The following MAPK10 variants were observed in gnomAD, a reference collection of about 807,000 sequenced individuals.
MAPK10 encodes JNK3 alpha protein kinase.
MAPK10 carries 25 observed loss-of-function variants against 59.3 expected under a neutral mutation model. The ratio of observed to expected loss-of-function variants is 0.42; its 90% CI spans 0.31 to 0.59. The LOEUF (loss-of-function observed/expected upper bound fraction) is 0.59, where lower values mean the gene tolerates loss of function less well. Ranked by LOEUF, MAPK10 falls within the 20% of genes least tolerant of loss-of-function variation. The pLI is 0.15. For synonymous variants in MAPK10, 190 were observed against 200.5 expected (o/e 0.95, Z 0.44); for missense variants, 351 against 568.9 (o/e 0.62, Z 3.90).
intron 2 of MAPK10, among the ~76,000 whole-genome samples, chr4:86,228,620 A>C (rs2091052552): frequency 1.3e-5 from 2 of 152,218 alleles, no homozygotes; most frequent in Non-Finnish European, 2.9e-5. Flanking sequence ...TGTAAGCATA[A>C]TTCTATCACC....
At chr4:86,098,755 T>G in intron 8 of MAPK10, 160 bp from the exon 9 acceptor site, 2 of 606,110 alleles carry the variant, frequency 3.3e-6, no homozygotes, top group Non-Finnish European at 3.0e-6. Context: ...ACCAGCGCTA[T>G]GCTATTACAT....
chr4:86,227,566 C>A (rs1583189031), intron 2 of MAPK10, among the ~76,000 whole-genome samples: 4 of 151,670 alleles, frequency 2.6e-5, no homozygotes, highest in Admixed American at 2.6e-4. Flanking sequence ...TCTAAGAATA[C>A]TTTCTCACCT....
chr4:86,122,119 TA>T (rs960459455), intron 4 of MAPK10, among the ~76,000 whole-genome samples: 4 of 151,832 alleles, frequency 2.6e-5, no homozygotes, highest in African/African-American at 7.3e-5. Flanking sequence ...GATTAGAAAA[TA>T]AAAAAAGTCA....
chr4:86,067,436 G>A (rs2046972467), intron 10 of MAPK10, among the ~76,000 whole-genome samples: 2 of 151,908 alleles, frequency 1.3e-5, no homozygotes, highest in Admixed American at 1.3e-4. Flanking sequence ...TTGAGCCACC[G>A]CCCCCGGCCC....
At chr4:86,050,264 G>A (rs1183617261) in intron 11 of MAPK10, among the ~76,000 whole-genome samples, 1 of 152,106 alleles carries the variant, frequency 6.6e-6, no homozygotes, top group East Asian at 1.9e-4. Flanking sequence ...TATGGTTATA[G>A]TATCTTACTT....
chr4:86,176,874 CTTTG>C (rs202010373), intron 3 of MAPK10, among the ~76,000 whole-genome samples: 1,732 of 151,968 alleles, frequency 0.011, 30 homozygotes, highest in African/African-American at 0.04. Flanking sequence ...TTTACCTTAT[CTTTG>C]TTTAATAATT....
chr4:86,557,956 G>A (rs550257757), intron 1 of MAPK10, among the ~76,000 whole-genome samples: 1 of 151,940 alleles, frequency 6.6e-6, no homozygotes, highest in South Asian at 2.1e-4. Context: ...TGAATCATTG[G>A]TATATTGATG....
intron 4 of MAPK10, 79 bp from the exon 5 acceptor site, chr4:86,107,431 G>A (rs1580368007): frequency 6.5e-7 from 1 of 1,527,288 alleles, no homozygotes; most frequent in East Asian, 2.4e-5. Context: ...AAGGATACTG[G>A]TAAAGAAAAT....
intron 9 of MAPK10, among the ~76,000 whole-genome samples, chr4:86,082,894 T>C (rs181901741): frequency 3.5e-3 from 534 of 152,272 alleles, no homozygotes; most frequent in Non-Finnish European, 6.2e-3. Context: ...TGCACTTTCA[T>C]TGGCAGTGCT....
chr4:86,522,372 G>A (rs1757173053), intron 1 of MAPK10, among the ~76,000 whole-genome samples: 1 of 152,150 alleles, frequency 6.6e-6, no homozygotes, highest in South Asian at 2.1e-4. Flanking sequence ...ATGAAACGAG[G>A]TTGGAGCTAG....
chr4:86,177,440 G>GTATAAAAT (rs910793969), intron 3 of MAPK10, among the ~76,000 whole-genome samples: 1 of 152,012 alleles, frequency 6.6e-6, no homozygotes, highest in African/African-American at 2.4e-5. Flanking sequence ...ATCCAATGAA[G>GTATAAAAT]TATAAAATTT....
In MAPK10 at chr4:86,012,763, T is replaced by C. The variant is rs1257709705; in HGVS notation, c.*4465A>G. On this transcript the variant is annotated 3_prime_UTR_variant, in exon 14 of 14. Coordinates refer to ENST00000641462, the MANE Select transcript of MAPK10 (RefSeq NM_138982.4). ...TAGACTGACTGAATTTAGTTCTCAC[T>C]GCTCAGACCTTGCAAAGAAACTGGA... 1 of 152,240 alleles carries C rather than the reference T, an allele frequency of 6.6e-6. No individual in the cohort carries two copies. The highest frequency in any genetic ancestry group is 1.5e-5 in the Non-Finnish European group (1 of 68,040). The allele number at this position is 152,240 out of a possible 1,614,324, so 9.4% of individuals were successfully genotyped here. A position where few individuals can be genotyped will look rare whatever the true frequency, so the allele number is the denominator to read the frequency against.
rs113130106 is a variant in MAPK10, at chr4:86,196,027, A to C, written c.-6-1620T>G. 1.6e-4 allele frequency among the ~76,000 whole-genome samples: 25 copies of C among 152,346 alleles called. No individual in the cohort carries two copies. In the East Asian group the frequency reaches 4.6e-3, roughly 28 times the overall value. On this transcript the variant is annotated intron_variant, in intron 2 of 13. Transcript: ENST00000641462. ...TATTGTGAACAGTGCTGCAATAAAC[A>C]TAAGTGTGCATATGTCTTTATAGAA... is the stretch of plus-strand genomic sequence containing the variant.
chr4:86,452,962 GC>G (rs1750904300), intron 1 of MAPK10: 1 of 152,404 alleles, frequency 6.6e-6, no homozygotes. Flanking sequence ...GAGGTCGTCT[GC>G]CCCCAAACAC....
At chr4:86,424,930 G>A (rs576511642) in intron 1 of MAPK10, among the ~76,000 whole-genome samples, 100 of 152,302 alleles carry the variant, frequency 6.6e-4, no homozygotes, top group African/African-American at 1.6e-3. Context: ...AAATCTCAGA[G>A]GAAAATGTCA....
intron 11 of MAPK10, among the ~76,000 whole-genome samples, chr4:86,033,355 A>G (rs1270976518): frequency 1.3e-5 from 2 of 152,216 alleles, no homozygotes; most frequent in African/African-American, 4.8e-5. Flanking sequence ...ATAAGCTCTC[A>G]GAGCCCCCAG....
chr4:86,148,974 T>C (rs1413398324), intron 4 of MAPK10, among the ~76,000 whole-genome samples: 1 of 152,198 alleles, frequency 6.6e-6, no homozygotes, highest in Non-Finnish European at 1.5e-5. Flanking sequence ...TGATTGACCA[T>C]AGAGGTAGGA....
intron 1 of MAPK10, among the ~76,000 whole-genome samples, chr4:86,584,324 T>C (rs1313540571): frequency 6.6e-6 from 1 of 152,132 alleles, no homozygotes; most frequent in Non-Finnish European, 1.5e-5. Context: ...AACTCTACAG[T>C]AAGTGACACT....
At chr4:86,247,438 GT>G (rs1377556551) in intron 2 of MAPK10, among the ~76,000 whole-genome samples, 1 of 152,136 alleles carries the variant, frequency 6.6e-6, no homozygotes, top group Non-Finnish European at 1.5e-5. Context: ...TTACTGCTGA[GT>G]TTTTTCCTCT....
Sources: gnomAD v4.1 joint callset for allele counts (sites outside exome capture counted in the v4.1 genomes callset) on GRCh38, gnomAD v4.1.1 for gene constraint, MANE v1.5 for transcripts, NCBI Gene and HGNC (gene_info 2026-07-23, HGNC 2026-07-21) for gene names.